PCSK6: variants seen among roughly 807,000 people sequenced by gnomAD.
PCSK6 encodes proprotein convertase subtilisin/kexin type 6.
Under a neutral mutation model 123.3 loss-of-function variants are expected in PCSK6, and 85 were observed. That is an observed-to-expected ratio of 0.69 (90% CI 0.58 to 0.83). The LOEUF (loss-of-function observed/expected upper bound fraction) is 0.83, where lower values mean the gene tolerates loss of function less well. PCSK6 is among the 40% of genes least tolerant of loss of function. PCSK6 has a pLI of 0.00. For missense variants in PCSK6, 1,191 were observed against 1,282.3 expected, an observed-to-expected ratio of 0.93 and a Z score of 1.09; for synonymous variants, 508 against 516.0, an observed-to-expected ratio of 0.98 and a Z score of 0.21.
intron 1 of PCSK6, among the ~76,000 whole-genome samples, chr15:101,460,984 A>C (rs142673174): frequency 6.6e-6 from 1 of 152,186 alleles, no homozygotes; most frequent in African/African-American, 2.4e-5. Context: ...TAAAAAGTTA[A>C]AAGAAAAAAA....
At chr15:101,336,271 G>T (rs1018653077) in intron 13 of PCSK6, among the ~76,000 whole-genome samples, 1 of 152,206 alleles carries the variant, frequency 6.6e-6, no homozygotes, top group Non-Finnish European at 1.5e-5. Context: ...CTACCTCACA[G>T]GGTTGCTTTG....
rs549591710 is a variant in PCSK6 at position 101,362,252 on chromosome 15, A to G, written c.1858+3944T>C. Among the ~76,000 whole-genome samples the G allele has an allele frequency of 2.0e-3, 298 of 152,324 alleles. 2 individuals are homozygous for G. The highest frequency in any genetic ancestry group is 2.4e-3 in the Non-Finnish European group (162 of 68,030). ...ATTACAGGCATGAGCCACCATGCCC[A>G]GCCCAAAGCTATTTACATTAATGTG... On this transcript the variant is annotated intron_variant, in intron 13 of 21. Coordinates refer to ENST00000611716, the MANE Select transcript of PCSK6 (RefSeq NM_002570.5).
At chr15:101,443,124 ATT>A (rs375093034) in intron 2 of PCSK6, among the ~76,000 whole-genome samples, 1 of 152,340 alleles carries the variant, frequency 6.6e-6, no homozygotes, top group African/African-American at 2.4e-5. Context: ...TTCAAATCGC[ATT>A]TGTTTTAATC....
At chr15:101,475,383 T>A (rs1377333295) in intron 1 of PCSK6, among the ~76,000 whole-genome samples, 1 of 151,940 alleles carries the variant, frequency 6.6e-6, no homozygotes, top group African/African-American at 2.4e-5. Flanking sequence ...GAGAAAGCAA[T>A]CATTAAAAGA....
Position 101,432,104 on chromosome 15 carries a change from C to T in PCSK6, c.403-4G>A. The stretch of plus-strand genomic sequence containing the variant: ...CCTGTTGCTGGAGCCATTTCACCTA[C>T]CAGAAGAAATGCAATTACTGTTTAT... On this transcript the variant is annotated splice_region_variant and splice_polypyrimidine_tract_variant and intron_variant, in intron 2 of 21. Coordinates refer to ENST00000611716, the MANE Select transcript of PCSK6 (RefSeq NM_002570.5). 2 of 1,609,198 alleles carry T rather than the reference C, an allele frequency of 1.2e-6. No homozygotes were observed. The highest frequency in any genetic ancestry group is 1.7e-6 in the Non-Finnish European group (2 of 1,176,384).
At chr15:101,380,587 G>A (rs568407735) in intron 11 of PCSK6, among the ~76,000 whole-genome samples, 3 of 152,212 alleles carry the variant, frequency 2.0e-5, no homozygotes, top group Admixed American at 6.5e-5. Context: ...CCGACCTGTC[G>A]GGGCCTGCAG....
chr15:101,338,718 G>A (rs906464042), intron 13 of PCSK6, among the ~76,000 whole-genome samples: 1 of 152,172 alleles, frequency 6.6e-6, no homozygotes, highest in Non-Finnish European at 1.5e-5. Context: ...AAAAGGAGGG[G>A]GTCTTAAAAG....
intron 2 of PCSK6, among the ~76,000 whole-genome samples, chr15:101,436,180 G>T (rs993053561): frequency 2.6e-5 from 4 of 152,214 alleles, no homozygotes; most frequent in Non-Finnish European, 4.4e-5. Context: ...GGCTCAGGAA[G>T]GCCCCTAGAA....
intron 2 of PCSK6, among the ~76,000 whole-genome samples, chr15:101,437,306 C>T (rs2056628707): frequency 1.3e-5 from 2 of 152,206 alleles, no homozygotes; most frequent in South Asian, 2.1e-4. Flanking sequence ...TGGCGAGATG[C>T]CCAGGCCCAC....
chr15:101,317,926 G>A (rs755881832), intron 19 of PCSK6, among the ~76,000 whole-genome samples: 2 of 152,210 alleles, frequency 1.3e-5, no homozygotes, highest in Non-Finnish European at 2.9e-5. Context: ...CTGAGTTCCT[G>A]GGCTCGAGCT....
At chr15:101,436,826 A>AT (rs1193927197) in intron 2 of PCSK6, among the ~76,000 whole-genome samples, 2 of 152,198 alleles carry the variant, frequency 1.3e-5, no homozygotes, top group African/African-American at 4.8e-5. Context: ...CCAACCAGCT[A>AT]AAGAGCTCAG....
intron 13 of PCSK6, among the ~76,000 whole-genome samples, chr15:101,359,450 C>T (rs1029864942): frequency 6.6e-6 from 1 of 152,234 alleles, no homozygotes; most frequent in Non-Finnish European, 1.5e-5. Context: ...GCACACAGAG[C>T]ATCTGGTCAT....
chr15:101,324,671 T>C (rs560984185), intron 17 of PCSK6, among the ~76,000 whole-genome samples, 179 bp downstream of exon 17: 1 of 152,340 alleles, frequency 6.6e-6, no homozygotes, highest in South Asian at 2.1e-4. Context: ...TGCTATTAAC[T>C]AACAGGTCTG....
intron 7 of PCSK6, among the ~76,000 whole-genome samples, chr15:101,397,163 G>A (rs1169471450): frequency 1.3e-5 from 2 of 152,152 alleles, no homozygotes; most frequent in Non-Finnish European, 2.9e-5. Context: ...GGGGTCTCCT[G>A]AGAGAAAAAC....
intron 11 of PCSK6, among the ~76,000 whole-genome samples, chr15:101,374,846 G>A (rs532564434): frequency 6.6e-4 from 100 of 152,208 alleles, no homozygotes; most frequent in Admixed American, 1.8e-3. Context: ...GTTCCAGGAT[G>A]CACGCTCTCA....
chr15:101,427,700 G>C (rs532586454), intron 6 of PCSK6, among the ~76,000 whole-genome samples, 192 bp downstream of exon 6: 1 of 152,338 alleles, frequency 6.6e-6, no homozygotes, highest in East Asian at 1.9e-4. Flanking sequence ...CAGTTCCTCT[G>C]TCTTGAGGCC....
rs542013697 is a variant in PCSK6, at chr15:101,459,838, C to T, written c.298-16178G>A. ...TCCCTTTAGGCAGCTGTTTCAACCA[C>T]GTTCTCCTTAGAACCCTAGACAGCC... On this transcript the variant is annotated intron_variant, in intron 1 of 21. Transcript: ENST00000611716. 9.9e-5 allele frequency among the ~76,000 whole-genome samples: 15 copies of T among 152,068 alleles called. No homozygotes were observed. In the South Asian group the frequency reaches 2.9e-3, roughly 30 times the overall value.
At chr15:101,371,229 T>C (rs757749009) in intron 11 of PCSK6, among the ~76,000 whole-genome samples, 2 of 152,012 alleles carry the variant, frequency 1.3e-5, no homozygotes, top group African/African-American at 4.8e-5. Flanking sequence ...AAATAAAAGA[T>C]GGGTTCTTGG....
intron 19 of PCSK6, among the ~76,000 whole-genome samples, chr15:101,316,908 C>CTTTTTTT (rs2040001564): frequency 2.2e-5 from 2 of 91,686 alleles, no homozygotes; most frequent in African/African-American, 1.8e-4. Context: ...AGACTTAATT[C>CTTTTTTT]TGTTTTTTTT....
Sources: allele counts gnomAD v4.1 joint callset (sites outside exome capture counted in the v4.1 genomes callset), GRCh38; gene constraint gnomAD v4.1.1; transcripts MANE v1.5; gene names NCBI Gene and HGNC (gene_info 2026-07-23, HGNC 2026-07-21).